CERS3: variants seen among roughly 807,000 people sequenced by gnomAD.
CERS3 encodes the protein ceramide synthase 3.
Under a neutral mutation model 50.3 loss-of-function variants are expected in CERS3, and 33 were observed. The ratio of observed to expected loss-of-function variants is 0.66; its 90% CI spans 0.50 to 0.88. CERS3 has a LOEUF of 0.88. CERS3 is among the 40% of genes least tolerant of loss of function. The pLI, the probability that CERS3 is intolerant of heterozygous loss-of-function variation, is 0.00. For missense variants in CERS3, 470 were observed against 460.3 expected (o/e 1.02, Z -0.19); for synonymous variants, 176 against 155.2 (o/e 1.13, Z -0.99).
At chr15:100,453,159 C>T (rs1193335100) in intron 11 of CERS3, among the ~76,000 whole-genome samples, 44 of 151,900 alleles carry the variant, frequency 2.9e-4, no homozygotes, top group East Asian at 1.9e-4. Context: ...ACAAGGCCAG[C>T]GTTACCTTGA....
intron 9 of CERS3, among the ~76,000 whole-genome samples, chr15:100,471,868 A>G (rs1411584245): frequency 6.6e-6 from 1 of 152,232 alleles, no homozygotes; most frequent in Non-Finnish European, 1.5e-5. Flanking sequence ...CTTCTACAAC[A>G]GGGTCTGGTA....
At chr15:100,501,521 A>G (rs1448551575) in intron 3 of CERS3, among the ~76,000 whole-genome samples, 156 bp downstream of exon 3, 1 of 152,240 alleles carries the variant, frequency 6.6e-6, no homozygotes, top group African/African-American at 2.4e-5. Flanking sequence ...TTTGGAGCGC[A>G]TCTGATTACA....
chr15:100,521,209 CTCT>C (rs1222004964), intron 2 of CERS3, among the ~76,000 whole-genome samples: 6 of 152,220 alleles, frequency 3.9e-5, no homozygotes, highest in Non-Finnish European at 7.3e-5. Context: ...TCATGAATGA[CTCT>C]TCCTCGTACA....
At chr15:100,528,217 G>A (rs1160918282) in intron 1 of CERS3, among the ~76,000 whole-genome samples, 1 of 152,174 alleles carries the variant, frequency 6.6e-6, no homozygotes, top group Non-Finnish European at 1.5e-5. Flanking sequence ...CCTTAGAACC[G>A]AACAGCTAAT....
At chr15:100,440,196 AGTTCTT>A (rs2033617071) in intron 11 of CERS3, among the ~76,000 whole-genome samples, 1 of 152,154 alleles carries the variant, frequency 6.6e-6, no homozygotes, top group East Asian at 1.9e-4. Flanking sequence ...TAACTGATCC[AGTTCTT>A]ATTTAACTTG....
chr15:100,523,734 A>T (rs2036706759), intron 1 of CERS3, among the ~76,000 whole-genome samples: 1 of 151,076 alleles, frequency 6.6e-6, no homozygotes, highest in African/African-American at 2.4e-5. Flanking sequence ...ATCACTGTCT[A>T]CCCAAGGTCA....
Position 100,480,738 on chromosome 15 carries a change from C to T in CERS3, c.408-692G>A, listed in dbSNP as rs557064841. ...TTATTAAATAAAAAATCATAAGATA[C>T]TGATATTGCAATTATGCTGAAAATA... On this transcript the variant is annotated intron_variant, in intron 5 of 11. Coordinates refer to ENST00000679737, the MANE Select transcript of CERS3 (RefSeq NM_001378789.1). Among the ~76,000 whole-genome samples the T allele has an allele frequency of 4.6e-5, 7 of 152,182 alleles. No homozygotes were observed. The South Asian group carries it at 1.4e-3, about 32-fold the overall frequency.
chr15:100,433,235 C>CAA lies in CERS3; in HGVS notation c.999+22656_999+22657dup, dbSNP rs5814963. 1.6e-3 allele frequency among the ~76,000 whole-genome samples: 162 copies of CAA among 98,410 alleles called. 2 individuals carry two copies. In the Middle Eastern group the frequency reaches 0.035, roughly 21 times the overall value. The allele number at this position is 98,410 out of a possible 152,430, so 64.6% of individuals were successfully genotyped here. A position where few individuals can be genotyped will look rare whatever the true frequency, so the allele number is the denominator to read the frequency against. Reference sequence around the variant, plus strand: ...TGGGCAATAGAGCAAGACTCTGTCTCAAAAAAAAAAAAAAAAAATTCAATT... The same window carrying CAA: ...TGGGCAATAGAGCAAGACTCTGTCTCAAAAAAAAAAAAAAAAAAAATTCAATT... On this transcript the variant is annotated intron_variant, in intron 11 of 11. Coordinates refer to ENST00000679737, the MANE Select transcript of CERS3 (RefSeq NM_001378789.1).
intron 7 of CERS3, 57 bp from the exon 8 acceptor site, chr15:100,476,235 T>G: frequency 8.8e-7 from 1 of 1,141,922 alleles, no homozygotes; most frequent in Non-Finnish European, 1.3e-6. Flanking sequence ...CAACTCATTT[T>G]AATGCACTAA....
At chr15:100,520,589 C>A (rs1336362404) in intron 2 of CERS3, among the ~76,000 whole-genome samples, 7 of 152,172 alleles carry the variant, frequency 4.6e-5, no homozygotes, top group African/African-American at 1.7e-4. Flanking sequence ...CTCTTCCTCC[C>A]AGTAGGCTAC....
rs997183068 is a variant in CERS3 at position 100,402,543 on chromosome 15, A to C, written c.*170T>G. On this transcript the variant is annotated 3_prime_UTR_variant, in exon 12 of 12. Transcript: ENST00000679737. Reference sequence around the variant, plus strand: ...AAAATCCATGGGCATGCTTATATTTAACATTTTAACACAAGTTAACAACAT... The same window carrying C: ...AAAATCCATGGGCATGCTTATATTTCACATTTTAACACAAGTTAACAACAT... The C allele has an allele frequency of 7.9e-6, 5 of 630,534 alleles. No individual in the cohort carries two copies. Among genetic ancestry groups the C allele is most frequent in the Non-Finnish European group, 1.1e-5 (4 of 369,674 alleles). 39.1% of individuals were successfully genotyped at this position (630,534 alleles called of 1,614,324 possible).
At chr15:100,521,162 C>G (rs2036628173) in intron 2 of CERS3, among the ~76,000 whole-genome samples, 1 of 152,218 alleles carries the variant, frequency 6.6e-6, no homozygotes, top group Non-Finnish European at 1.5e-5. Flanking sequence ...CGTTACCTGA[C>G]TTTGCCTTTC....
At chr15:100,402,987 A>C (rs2030675312) in intron 11 of CERS3, 122 bp from the exon 12 acceptor site, 1 of 928,370 alleles carries the variant, frequency 1.1e-6, no homozygotes, top group African/African-American at 1.7e-5. Context: ...CAAATAACTA[A>C]ACATTCACCA....
At chr15:100,404,408 T>C (rs781387117) in intron 11 of CERS3, among the ~76,000 whole-genome samples, 3 of 152,212 alleles carry the variant, frequency 2.0e-5, no homozygotes, top group Non-Finnish European at 2.9e-5. Flanking sequence ...AAACCATGTA[T>C]AGGATCTGTA....
intron 3 of CERS3, among the ~76,000 whole-genome samples, chr15:100,496,515 T>A (rs2035819153): frequency 6.6e-6 from 1 of 152,198 alleles, no homozygotes; most frequent in Non-Finnish European, 1.5e-5. Context: ...TGATTGCTGG[T>A]GGCTAGTGGG....
At chr15:100,476,046 G>T (rs905419448) in intron 8 of CERS3, 40 bp downstream of exon 8, 6 of 1,401,470 alleles carry the variant, frequency 4.3e-6, no homozygotes, top group Non-Finnish European at 5.8e-6. Context: ...GGCAATTTTT[G>T]AAGAAATTGA....
At chr15:100,513,797 A>G (rs1381935171) in intron 2 of CERS3, among the ~76,000 whole-genome samples, 1 of 152,072 alleles carries the variant, frequency 6.6e-6, no homozygotes, top group Admixed American at 6.6e-5. Context: ...TCAGCTTTCC[A>G]AAGTGCTGGA....
chr15:100,497,261 A>G (rs948421411), intron 3 of CERS3, among the ~76,000 whole-genome samples: 7 of 152,174 alleles, frequency 4.6e-5, no homozygotes, highest in Admixed American at 4.6e-4. Context: ...ATATATATAG[A>G]GAGAGAGACA....
intron 7 of CERS3, 28 bp downstream of exon 7, chr15:100,479,400 G>A (rs1259483343): frequency 1.3e-6 from 2 of 1,545,586 alleles, no homozygotes; most frequent in East Asian, 2.3e-5. Flanking sequence ...GTTCAAGTAA[G>A]GGGAGGAATA....
Sources: allele counts gnomAD v4.1 joint callset (sites outside exome capture counted in the v4.1 genomes callset), GRCh38; gene constraint gnomAD v4.1.1; transcripts MANE v1.5; gene names NCBI Gene and HGNC (gene_info 2026-07-23, HGNC 2026-07-21).